DAB1: variants seen among roughly 807,000 people sequenced by gnomAD.
DAB1 encodes DAB adaptor protein 1, also known as disabled homolog 1.
In DAB1, 15 loss-of-function variants were observed where a neutral mutation model predicts 64.6. The observed-to-expected ratio is 0.23, with a 90% CI of 0.16 to 0.36. DAB1 has a LOEUF of 0.36. Among genes scored for constraint, DAB1 ranks in the 10% least tolerant of loss-of-function variants. The pLI, the probability that DAB1 is intolerant of heterozygous loss-of-function variation, is 1.00. For synonymous variants in DAB1, 235 were observed against 251.9 expected (o/e 0.93, Z 0.64); for missense variants, 596 against 706.7 (o/e 0.84, Z 1.78).
rs1651032526 is a variant in DAB1, at chr1:58,097,105, G to T, written n.387+53406C>A. Among the ~76,000 whole-genome samples the T allele has an allele frequency of 3.9e-5, 6 of 152,326 alleles. No homozygotes were observed. In the South Asian group the frequency reaches 1.2e-3, roughly 32 times the overall value. On this transcript the variant is annotated intron_variant and non_coding_transcript_variant, in intron 5 of 20. Coordinates refer to the DAB1 transcript ENST00000485760. ...TTGAGGGCCAACTGAGAATTCAGTA[G>T]TAATTGACAACATTTATGTGCTTGG...
intron 9 of DAB1, among the ~76,000 whole-genome samples, chr1:57,054,111 AAGG>A (rs1235006445): frequency 2.0e-5 from 3 of 152,228 alleles, no homozygotes; most frequent in Non-Finnish European, 2.9e-5. Context: ...GAAAAATTAC[AAGG>A]AGAAGGATAA....
intron 5 of DAB1, among the ~76,000 whole-genome samples, chr1:58,128,245 A>C (rs994981193): frequency 3.3e-5 from 5 of 151,274 alleles, no homozygotes; most frequent in African/African-American, 1.2e-4. Flanking sequence ...TTCACTCATG[A>C]TTTGGCTCTC....
At chr1:57,583,297 T>C (rs1645336392) in intron 7 of DAB1, among the ~76,000 whole-genome samples, 1 of 151,160 alleles carries the variant, frequency 6.6e-6, no homozygotes, top group East Asian at 1.9e-4. Context: ...TTTCTTTTTT[T>C]TTTTTTTTTG....
intron 9 of DAB1, among the ~76,000 whole-genome samples, chr1:57,056,433 A>G (rs1265013427): frequency 2.7e-5 from 4 of 146,938 alleles, no homozygotes; most frequent in African/African-American, 1.0e-4. Context: ...TGAGCACAGG[A>G]GTTTAAGGAT....
At chr1:57,066,678 CA>C (rs1570627563) in intron 8 of DAB1, among the ~76,000 whole-genome samples, 1 of 152,176 alleles carries the variant, frequency 6.6e-6, no homozygotes, top group East Asian at 1.9e-4. Context: ...ACATCTTCAA[CA>C]GCATCTGAAA....
intron 1 of DAB1, among the ~76,000 whole-genome samples, chr1:57,388,908 G>T (rs573421562): frequency 6.6e-6 from 1 of 152,090 alleles, no homozygotes; most frequent in Non-Finnish European, 1.5e-5. Flanking sequence ...ATTTCAAAAC[G>T]TGCCCTAGCT....
At chr1:57,509,505 C>T (rs556230930) in intron 7 of DAB1, among the ~76,000 whole-genome samples, 80 of 152,234 alleles carry the variant, frequency 5.3e-4, no homozygotes, top group African/African-American at 1.9e-3. Context: ...GAGACAACCA[C>T]TCACACCTTC....
At chr1:58,275,160 T>C (rs926471110) in intron 4 of DAB1, among the ~76,000 whole-genome samples, 7 of 152,226 alleles carry the variant, frequency 4.6e-5, no homozygotes, top group African/African-American at 1.7e-4. Flanking sequence ...CTTTATGTGA[T>C]ACTCTATGTA....
intron 4 of DAB1, among the ~76,000 whole-genome samples, chr1:58,182,656 T>C (rs906338202): frequency 3.9e-5 from 6 of 152,014 alleles, no homozygotes; most frequent in African/African-American, 1.5e-4. Context: ...TGGTAATTTA[T>C]ATCTCTTTAT....
chr1:58,208,312 A>G (rs894305924), intron 4 of DAB1, among the ~76,000 whole-genome samples: 2 of 152,128 alleles, frequency 1.3e-5, no homozygotes, highest in African/African-American at 4.8e-5. Flanking sequence ...TTAATTTAAT[A>G]GGTTTTGGGG....
At chr1:58,533,830 A>C in intron 1 of DAB1, 2 of 680,314 alleles carry the variant, frequency 2.9e-6, no homozygotes, top group South Asian at 3.3e-5. Context: ...GATTAAGGCA[A>C]TTACCCAAAA....
At chr1:57,997,271 T>C (rs1352554959) in intron 5 of DAB1, among the ~76,000 whole-genome samples, 1 of 152,110 alleles carries the variant, frequency 6.6e-6, no homozygotes, top group Non-Finnish European at 1.5e-5. Context: ...ACAATTTAAG[T>C]AAAACACTGT....
At chr1:57,642,499 C>G (rs956294400) in intron 7 of DAB1, among the ~76,000 whole-genome samples, 1 of 152,190 alleles carries the variant, frequency 6.6e-6, no homozygotes, top group South Asian at 2.1e-4. Context: ...CTTTGCTCAG[C>G]CTTCTTGATC....
chr1:57,136,600 C>A lies in DAB1; in HGVS notation c.249G>T (p.Gln83His). The change falls in exon 4 of 15, where the codon CAG becomes CAT. Residue 83 changes from glutamine to histidine, a missense_variant. By Grantham distance (24) the Gln-to-His change is conservative. Coordinates refer to ENST00000371236, the MANE Select transcript of DAB1 (RefSeq NM_001365792.1). Reference sequence around the variant, plus strand: ...CAAAGGAGATGGTTAAAAAGATTTTCTGTTTGTGTTCTCCTTTGGAACGAG... The same window carrying A: ...CAAAGGAGATGGTTAAAAAGATTTTATGTTTGTGTTCTCCTTTGGAACGAG... Reference protein sequence around the residue: ...AGARSKGEHKQKIFLTISFGG... With the variant: ...AGARSKGEHKHKIFLTISFGG... 6.5e-7 allele frequency: 1 copy of A among 1,549,962 alleles called. No homozygotes were observed. Among genetic ancestry groups the A allele is most frequent in the Non-Finnish European group, 8.8e-7 (1 of 1,134,444 alleles).
intron 7 of DAB1, among the ~76,000 whole-genome samples, chr1:57,453,464 C>A (rs1686466078): frequency 6.6e-6 from 1 of 152,112 alleles, no homozygotes; most frequent in African/African-American, 2.4e-5. Flanking sequence ...TACTGTTTTA[C>A]TGAAACTTGT....
chr1:58,261,645 T>G (rs1661050784), intron 4 of DAB1, among the ~76,000 whole-genome samples: 1 of 151,368 alleles, frequency 6.6e-6, no homozygotes, highest in South Asian at 2.1e-4. Flanking sequence ...AAAGCCAGAG[T>G]GAGAAAAAAT....
intron 2 of DAB1, among the ~76,000 whole-genome samples, chr1:57,252,559 A>C (rs991806466): frequency 2.6e-5 from 4 of 152,238 alleles, no homozygotes; most frequent in Admixed American, 2.6e-4. Flanking sequence ...ACAAACAGTT[A>C]ATTTGTACCT....
chr1:57,265,253 TCC>T (rs1351720202), intron 2 of DAB1, among the ~76,000 whole-genome samples: 1 of 152,178 alleles, frequency 6.6e-6, no homozygotes, highest in Non-Finnish European at 1.5e-5. Context: ...GCCACTGCCA[TCC>T]ATGTTTCTCA....
intron 6 of DAB1, among the ~76,000 whole-genome samples, chr1:57,804,499 C>T (rs373911224): frequency 2.0e-5 from 3 of 152,148 alleles, no homozygotes; most frequent in South Asian, 2.1e-4. Context: ...TGAACTTCTA[C>T]CCATTACCAT....
Sources: allele counts gnomAD v4.1 joint callset (sites outside exome capture counted in the v4.1 genomes callset), GRCh38; gene constraint gnomAD v4.1.1; transcripts MANE v1.5; gene names NCBI Gene and HGNC (gene_info 2026-07-23, HGNC 2026-07-21).